TPD52: variants seen among roughly 807,000 people sequenced by gnomAD.
TPD52 encodes the protein tumor protein D52.
TPD52 carries 17 observed loss-of-function variants against 31.3 expected under a neutral mutation model. That is an observed-to-expected ratio of 0.54 (90% CI 0.37 to 0.82). The LOEUF is 0.82. Among genes scored for constraint, TPD52 ranks in the 40% least tolerant of loss-of-function variants. TPD52 has a pLI of 0.00. For missense variants in TPD52, 212 were observed against 240.1 expected (o/e 0.88, Z 0.77); for synonymous variants, 83 against 89.6 (o/e 0.93, Z 0.42).
At chr8:80,068,700 G>A (rs1391874879) in intron 1 of TPD52, among the ~76,000 whole-genome samples, 1 of 152,170 alleles carries the variant, frequency 6.6e-6, no homozygotes, top group Non-Finnish European at 1.5e-5. Flanking sequence ...GGCCTCCCCT[G>A]GGAAGGGTCT....
chr8:80,043,404 T>C (rs1306025066), intron 6 of TPD52, among the ~76,000 whole-genome samples: 1 of 152,178 alleles, frequency 6.6e-6, no homozygotes, highest in African/African-American at 2.4e-5. Flanking sequence ...TTGAATATCC[T>C]TCCTACTACC....
At chr8:80,056,307 C>T (rs1718441609) in intron 2 of TPD52, among the ~76,000 whole-genome samples, 1 of 152,070 alleles carries the variant, frequency 6.6e-6, no homozygotes, top group Admixed American at 6.5e-5. Context: ...CATGTGGACG[C>T]CAAGAAAAAA....
intron 7 of TPD52, chr8:80,042,396 A>C (rs1221243677): frequency 1.0e-6 from 1 of 985,376 alleles, no homozygotes; most frequent in Admixed American, 6.1e-5. Context: ...TGTAAATTGT[A>C]CATTTCCTTT....
intron 1 of TPD52, among the ~76,000 whole-genome samples, chr8:80,083,481 G>A (rs1586262747): frequency 2.0e-5 from 3 of 152,278 alleles, no homozygotes; most frequent in Admixed American, 2.0e-4. Flanking sequence ...CTCTTCTCCT[G>A]ATAGTGAATG....
chr8:80,056,263 G>C (rs1811877465), intron 2 of TPD52, among the ~76,000 whole-genome samples: 1 of 152,154 alleles, frequency 6.6e-6, no homozygotes, highest in Non-Finnish European at 1.5e-5. Flanking sequence ...AATAAATCAG[G>C]CACAGAAAGA....
intron 1 of TPD52, among the ~76,000 whole-genome samples, chr8:80,139,534 A>G (rs1432649013): frequency 6.6e-6 from 1 of 151,840 alleles, no homozygotes; most frequent in Non-Finnish European, 1.5e-5. Context: ...GTTAATAATT[A>G]CCCACTCTGG....
At chr8:80,103,780 G>C (rs905821784) in intron 1 of TPD52, among the ~76,000 whole-genome samples, 3 of 152,162 alleles carry the variant, frequency 2.0e-5, no homozygotes, top group African/African-American at 7.2e-5. Context: ...GGTTTTGCAG[G>C]GAGGCTTCAG....
intron 1 of TPD52, among the ~76,000 whole-genome samples, chr8:80,079,933 C>T (rs1815045887): frequency 6.6e-6 from 1 of 152,108 alleles, no homozygotes; most frequent in African/African-American, 2.4e-5. Flanking sequence ...AGTGCTTAAC[C>T]ATCATTTTAC....
chr8:80,132,197 G>C (rs1809071126), intron 1 of TPD52, among the ~76,000 whole-genome samples: 1 of 151,796 alleles, frequency 6.6e-6, no homozygotes, highest in Non-Finnish European at 1.5e-5. Flanking sequence ...ACCTGTTAAA[G>C]TTGTGTTGTT....
intron 1 of TPD52, among the ~76,000 whole-genome samples, chr8:80,161,675 A>G (rs1380625600): frequency 6.6e-6 from 1 of 151,500 alleles, no homozygotes; most frequent in Non-Finnish European, 1.5e-5. Context: ...CATCCTGTTA[A>G]TAAGTTCCCA....
intron 1 of TPD52, among the ~76,000 whole-genome samples, chr8:80,069,502 G>A (rs1185894101): frequency 1.3e-5 from 2 of 150,470 alleles, no homozygotes; most frequent in Non-Finnish European, 1.5e-5. Context: ...AAAATTTTTA[G>A]GGGGCTGGGC....
At position 80,119,950 on chromosome 8, in the gene TPD52, A is replaced by C. The variant is rs117365509; in HGVS notation, c.19+51475T>G. On this transcript the variant is annotated intron_variant, in intron 1 of 7. Coordinates refer to ENST00000518937, the MANE Select transcript of TPD52 (RefSeq NM_001025253.3). The stretch of plus-strand genomic sequence containing the variant: ...TTAGAAAAACTACAGGACATTAATA[A>C]TTTGGGTACTGATGGGATCTCTCTG... 2,476 of 309,102 alleles carry C rather than the reference A, an allele frequency of 8.0e-3. 19 individuals carry two copies. Among genetic ancestry groups the C allele is most frequent in the Middle Eastern group, 0.015 (35 of 2,398 alleles). 19.1% of individuals were successfully genotyped at this position (309,102 alleles called of 1,614,324 possible).
At chr8:80,103,643 A>G (rs1806902560) in intron 1 of TPD52, among the ~76,000 whole-genome samples, 1 of 152,236 alleles carries the variant, frequency 6.6e-6, no homozygotes, top group African/African-American at 2.4e-5. Context: ...CTCCCTGCAC[A>G]TTTGGAGGTC....
At chr8:80,113,057 G>A (rs1459718193) in intron 1 of TPD52, among the ~76,000 whole-genome samples, 1 of 152,166 alleles carries the variant, frequency 6.6e-6, no homozygotes, top group Non-Finnish European at 1.5e-5. Flanking sequence ...AAGGTCAGGT[G>A]TGGAAGTCTC....
intron 1 of TPD52, among the ~76,000 whole-genome samples, chr8:80,066,115 G>A (rs765423189): frequency 2.1e-4 from 32 of 152,082 alleles, no homozygotes; most frequent in Non-Finnish European, 3.8e-4. Flanking sequence ...AGGCGCCAGG[G>A]AGCAGACACA....
intron 6 of TPD52, among the ~76,000 whole-genome samples, chr8:80,043,345 G>A (rs551344551): frequency 6.6e-6 from 1 of 152,228 alleles, no homozygotes; most frequent in African/African-American, 2.4e-5. Flanking sequence ...CTCTCACAAA[G>A]GCGCTTTGGA....
chr8:80,137,686 T>C (rs1056732184), intron 1 of TPD52, among the ~76,000 whole-genome samples: 1 of 152,180 alleles, frequency 6.6e-6, no homozygotes, highest in Non-Finnish European at 1.5e-5. Context: ...ATAAGATGGG[T>C]GGAAGCCCTC....
intron 1 of TPD52, among the ~76,000 whole-genome samples, chr8:80,097,595 A>G (rs1321658833): frequency 6.6e-6 from 1 of 152,072 alleles, no homozygotes; most frequent in Non-Finnish European, 1.5e-5. Flanking sequence ...CCCATCTAAG[A>G]CGTCCCTGCT....
intron 1 of TPD52, among the ~76,000 whole-genome samples, chr8:80,104,429 G>GTA (rs1397414372): frequency 1.1e-5 from 1 of 88,624 alleles, no homozygotes; most frequent in African/African-American, 7.9e-5. Flanking sequence ...ACATACACAC[G>GTA]TACACACACG....
Sources: gnomAD v4.1 joint callset for allele counts (sites outside exome capture counted in the v4.1 genomes callset) on GRCh38, gnomAD v4.1.1 for gene constraint, MANE v1.5 for transcripts, NCBI Gene and HGNC (gene_info 2026-07-23, HGNC 2026-07-21) for gene names.